The following DOK7 variants were observed in gnomAD, a reference collection of about 807,000 sequenced individuals.
The protein encoded by DOK7 is docking protein 7.
DOK7 carries 32 observed loss-of-function variants against 30.7 expected under a neutral mutation model. The observed-to-expected ratio is 1.04, with a 90% CI of 0.79 to 1.40. The LOEUF (loss-of-function observed/expected upper bound fraction) is 1.40, where lower values mean the gene tolerates loss of function less well. DOK7 is among the 40% of genes most tolerant of loss of function. DOK7 has a pLI of 0.00. For synonymous variants in DOK7, 447 were observed against 324.1 expected (o/e 1.38, Z -4.07); for missense variants, 1,007 against 699.2 (o/e 1.44, Z -4.97).
Position 3,463,533 on chromosome 4 carries a change from A to C in DOK7, c.82A>C (p.Lys28Gln), listed in dbSNP as rs576215366. The C allele has an allele frequency of 2.6e-4, 369 of 1,398,252 alleles. 2 individuals carry two copies. The South Asian group carries it at 3.3e-3, about 13-fold the overall frequency. The allele number at this position is 1,398,252 out of a possible 1,614,324, so 86.6% of individuals were successfully genotyped here. A position where few individuals can be genotyped will look rare whatever the true frequency, so the allele number is the denominator to read the frequency against. The change falls in exon 2 of 7, where the codon AAG (lysine) becomes CAG (glutamine). Residue 28 changes from lysine (K) to glutamine (Q), a missense_variant. Lys to Gln is a moderately conservative substitution (Grantham distance 53, BLOSUM62 1). Coordinates refer to ENST00000340083, the MANE Select transcript of DOK7 (RefSeq NM_173660.5). The part of the protein sequence containing the change: ...KWKSRWLVLR[K>Q]PSPVADCLLM... ...GAAGAGTAGGTGGCTGGTGCTGCGGAAGCCGTCGCCCGTGGCAGGTGAGCG... is the reference window on the plus strand; with the variant it reads ...GAAGAGTAGGTGGCTGGTGCTGCGGCAGCCGTCGCCCGTGGCAGGTGAGCG...
chr4:3,490,832 C>CCATT (rs1448816691), intron 6 of DOK7, among the ~76,000 whole-genome samples: 1 of 63,758 alleles, frequency 1.6e-5, no homozygotes, highest in Non-Finnish European at 2.9e-5. Flanking sequence ...TGCCTTCCCC[C>CCATT]CATTCATTCC....
rs781489489 is a variant in DOK7, at chr4:3,493,177, G to C, written c.1191G>C (p.Val397=). The change falls in exon 7 of 7, where the codon GTG becomes GTC. Residue 397 remains valine, a synonymous_variant. Transcript: ENST00000340083. ...TCLPGTVEYQ[V]PTSLRAHYDT... ...TGCCCGGGACAGTCGAGTACCAGGT[G>C]CCCACCTCCCTGCGGGCCCACTATG... 1.4e-5 allele frequency: 23 copies of C among 1,609,092 alleles called. No homozygotes were observed. Among genetic ancestry groups the C allele is most frequent in the Non-Finnish European group, 1.9e-5 (22 of 1,178,686 alleles).
At chr4:3,486,161 T>A (rs1277807845) in intron 5 of DOK7, among the ~76,000 whole-genome samples, 1 of 152,134 alleles carries the variant, frequency 6.6e-6, no homozygotes, top group Non-Finnish European at 1.5e-5. Context: ...CACGTTGGGC[T>A]GAGGGGGTCT....
At chr4:3,463,863 T>C (rs1472854299) in intron 2 of DOK7, among the ~76,000 whole-genome samples, 1 of 152,114 alleles carries the variant, frequency 6.6e-6, no homozygotes, top group Non-Finnish European at 1.5e-5. Flanking sequence ...AAGCCCCACA[T>C]ACCTGAGGGT....
rs767745850 is a variant in DOK7, at chr4:3,489,674, C to T, written c.653-3C>T. ...CCTCCACCGAGTCTTCTCTCTGCCA[C>T]AGACCCAAGTCCCCCGGGACCCTCG... is the stretch of plus-strand genomic sequence containing the variant. On this transcript the variant is annotated splice_polypyrimidine_tract_variant and splice_region_variant and intron_variant, in intron 5 of 6. Coordinates refer to ENST00000340083, the MANE Select transcript of DOK7 (RefSeq NM_173660.5). 6.3e-5 allele frequency: 98 copies of T among 1,565,854 alleles called. No homozygotes were observed. The highest frequency in any genetic ancestry group is 7.7e-5 in the Non-Finnish European group (89 of 1,155,510).
intron 6 of DOK7, among the ~76,000 whole-genome samples, chr4:3,490,548 C>T (rs1238591994): frequency 3.3e-5 from 3 of 90,626 alleles, no homozygotes; most frequent in Non-Finnish European, 6.2e-5. Flanking sequence ...TTCCTTCCTT[C>T]TCCCCCTGCT....
chr4:3,482,474 C>T (rs995118676), intron 4 of DOK7, among the ~76,000 whole-genome samples: 2 of 152,258 alleles, frequency 1.3e-5, no homozygotes, highest in African/African-American at 4.8e-5. Context: ...CAGAAGCTGC[C>T]AGGCCTCTGA....
downstream of DOK7, among the ~76,000 whole-genome samples, chr4:3,495,989 A>G (rs566222373): frequency 4.4e-3 from 676 of 152,166 alleles, 4 homozygotes; most frequent in African/African-American, 0.015. Context: ...CTGAGCCCCC[A>G]TTTCCGGCCT....
chr4:3,501,022 T>A, exon 8 of DOK7: 1 of 822,022 alleles, frequency 1.2e-6, no homozygotes, highest in Non-Finnish European at 1.8e-6. Flanking sequence ...GCCTCACAGG[T>A]GTCCGGGGCT....
downstream of DOK7, among the ~76,000 whole-genome samples, chr4:3,494,970 C>T (rs1008350735): frequency 1.3e-5 from 2 of 152,248 alleles, no homozygotes; most frequent in Non-Finnish European, 2.9e-5. Context: ...CTTTGCCTGC[C>T]ACCCTGTCAG....
rs77513082 is a variant in DOK7, at chr4:3,493,455, C to A, written c.1469C>A (p.Ser490Ter). 1 of 1,609,984 alleles carries A rather than the reference C, an allele frequency of 6.2e-7. No individual in the cohort carries two copies. The highest frequency in any genetic ancestry group is 8.5e-7 in the Non-Finnish European group (1 of 1,178,772). Residue 490 changes from serine (S) to a stop codon, truncating the protein, a stop_gained, in exon 7 of 7, where the codon TCG becomes TAG. Transcript: ENST00000340083. LOFTEE classifies it high-confidence loss of function. The stretch of plus-strand genomic sequence containing the variant: ...GCGGGGCCACCCCCGGCTTTCTTTT[C>A]GGCATGTCCAGTCTGTGGAGGACTC... ...PHAGPPPAFF[S>*]ACPVCGGLKV...
chr4:3,487,381 C>A (rs773566154), intron 5 of DOK7, among the ~76,000 whole-genome samples: 1 of 152,236 alleles, frequency 6.6e-6, no homozygotes, highest in Non-Finnish European at 1.5e-5. Context: ...AGGACTCCCA[C>A]AATAGAGCCC....
At chr4:3,486,700 C>G (rs1727817802) in intron 5 of DOK7, among the ~76,000 whole-genome samples, 1 of 87,846 alleles carries the variant, frequency 1.1e-5, no homozygotes, top group Non-Finnish European at 2.4e-5. Flanking sequence ...GTGGATGCAC[C>G]CCTGCAGGTG....
chr4:3,490,111 C>CATTCATTCCTTTCTTCACCCCCTT (rs1553848872), intron 6 of DOK7, among the ~76,000 whole-genome samples: 1,365 of 23,268 alleles, frequency 0.059, 57 homozygotes, highest in East Asian at 0.2. Context: ...TCTTCACCCC[C>CATTCATTCCTTTCTTCACCCCCTT]ATTCATTCCT....
chr4:3,493,170 A>G lies in DOK7; in HGVS notation c.1184A>G (p.Tyr395Cys). 6.2e-7 allele frequency: 1 copy of G among 1,608,584 alleles called. No individual in the cohort carries two copies. Among genetic ancestry groups the G allele is most frequent in the South Asian group, 1.1e-5 (1 of 90,454 alleles). ...ACCTGCCTGCCCGGGACAGTCGAGT[A>G]CCAGGTGCCCACCTCCCTGCGGGCC... is the stretch of plus-strand genomic sequence containing the variant. Reference protein sequence around the residue: ...LCTCLPGTVEYQVPTSLRAHY... With the variant: ...LCTCLPGTVECQVPTSLRAHY... Residue 395 changes from tyrosine (Y) to cysteine (C), a missense_variant, in exon 7 of 7, where the codon TAC becomes TGC. By Grantham distance (194) the Tyr-to-Cys change is radical. Coordinates refer to ENST00000340083, the MANE Select transcript of DOK7 (RefSeq NM_173660.5).
At chr4:3,500,272 T>C (rs1037590830) in exon 7 of DOK7, 31 of 1,535,692 alleles carry the variant, frequency 2.0e-5, no homozygotes, top group Non-Finnish European at 2.6e-5. Context: ...CCCGTGGCTG[T>C]GGACAGCCCA....
chr4:3,490,271 T>TTTTC (rs1728183480), intron 6 of DOK7, among the ~76,000 whole-genome samples: 5 of 100,598 alleles, frequency 5.0e-5, no homozygotes, highest in African/African-American at 1.4e-4. Context: ...CATTCCTTCC[T>TTTTC]TCCCCACCTT....
intron 6 of DOK7, among the ~76,000 whole-genome samples, chr4:3,490,893 TTTC>T (rs549863574): frequency 1.6e-3 from 185 of 118,546 alleles, no homozygotes; most frequent in African/African-American, 5.9e-3. Context: ...TGCTCATTAA[TTTC>T]TTCCTTCTCT....
At chr4:3,500,791 C>T (rs567198939) in exon 8 of DOK7, 15 of 1,533,814 alleles carry the variant, frequency 9.8e-6, no homozygotes, top group South Asian at 4.8e-5. Flanking sequence ...GAGCAGCTGT[C>T]GGAGCTGGAG....
Sources: gnomAD v4.1 joint callset for allele counts (sites outside exome capture counted in the v4.1 genomes callset) on GRCh38, gnomAD v4.1.1 for gene constraint, MANE v1.5 for transcripts, NCBI Gene and HGNC (gene_info 2026-07-23, HGNC 2026-07-21) for gene names.